The following AGBL1 variants were observed in gnomAD, a reference collection of about 807,000 sequenced individuals.
AGBL1 encodes the protein cytosolic carboxypeptidase 4.
Under a neutral mutation model 118.9 loss-of-function variants are expected in AGBL1, and 130 were observed. The observed-to-expected ratio is 1.09, with a 90% confidence interval of 0.95 to 1.26. AGBL1 has a LOEUF of 1.26. Among genes scored for constraint, AGBL1 ranks in the 50% most tolerant of loss-of-function variants. The pLI is 0.00. For synonymous variants in AGBL1, 555 were observed against 478.9 expected (o/e 1.16, Z -2.08); for missense variants, 1,584 against 1,298.1 (o/e 1.22, Z -3.38).
chr15:86,646,956 A>G (rs542489273), intron 21 of AGBL1, among the ~76,000 whole-genome samples: 95 of 152,296 alleles, frequency 6.2e-4, no homozygotes, highest in African/African-American at 2.3e-3. Context: ...TTAAAGTGTC[A>G]TGACATTTCC....
chr15:86,433,570 A>G (rs759400175), intron 18 of AGBL1, among the ~76,000 whole-genome samples: 4 of 152,094 alleles, frequency 2.6e-5, no homozygotes, highest in Admixed American at 1.3e-4. Flanking sequence ...CATTTCTTGG[A>G]GAGAGAAGTG....
At chr15:86,198,672 C>G (rs748962758) in intron 5 of AGBL1, among the ~76,000 whole-genome samples, 78 of 151,912 alleles carry the variant, frequency 5.1e-4, no homozygotes, top group Non-Finnish European at 1.0e-3. Context: ...TTCTCTCTCT[C>G]TCTCTCTCTT....
intron 17 of AGBL1, among the ~76,000 whole-genome samples, chr15:86,347,788 A>G (rs1267747469): frequency 6.6e-6 from 1 of 152,216 alleles, no homozygotes; most frequent in East Asian, 1.9e-4. Context: ...ATCCCCAAGA[A>G]GACATTTTCT....
chr15:86,708,874 C>G (rs2142677281), intron 22 of AGBL1, among the ~76,000 whole-genome samples: 1 of 152,244 alleles, frequency 6.6e-6, no homozygotes, highest in East Asian at 1.9e-4. Flanking sequence ...ATTTTGCACA[C>G]TTGCCAAGTC....
chr15:86,611,367 C>T (rs1352030016), intron 21 of AGBL1, among the ~76,000 whole-genome samples: 3 of 152,184 alleles, frequency 2.0e-5, no homozygotes, highest in Non-Finnish European at 4.4e-5. Flanking sequence ...CACTGGTGAT[C>T]CATAACACCA....
intron 23 of AGBL1, among the ~76,000 whole-genome samples, chr15:86,934,853 T>C (rs944866735): frequency 2.0e-5 from 3 of 152,170 alleles, no homozygotes; most frequent in African/African-American, 7.2e-5. Context: ...TCTACATATA[T>C]TGATAAATAT....
In AGBL1 at chr15:86,816,680, C is replaced by T. The variant is rs1184949839; in HGVS notation, c.3159-90407C>T. ...ATAGAAAGATGTAGTAAAAAAAACACAAAAACAAAAATCCCTCAGGAGGCA... is the reference window on the plus strand; with the variant it reads ...ATAGAAAGATGTAGTAAAAAAAACATAAAAACAAAAATCCCTCAGGAGGCA... On this transcript the variant is annotated intron_variant, in intron 22 of 22. Transcript: ENST00000614907. Among the ~76,000 whole-genome samples the T allele has an allele frequency of 2.0e-5, 3 of 151,922 alleles. 1 individual carries two copies. Among genetic ancestry groups the T allele is most frequent in the Non-Finnish European group, 2.9e-5 (2 of 67,976 alleles).
At chr15:86,533,422 A>C (rs1240245486) in intron 19 of AGBL1, among the ~76,000 whole-genome samples, 8 of 91,614 alleles carry the variant, frequency 8.7e-5, no homozygotes, top group South Asian at 4.1e-4. Context: ...ATACCATCTC[A>C]CACCAGTTAG....
chr15:86,692,291 C>T (rs2575869), intron 22 of AGBL1, among the ~76,000 whole-genome samples: 39 of 151,902 alleles, frequency 2.6e-4, no homozygotes, highest in African/African-American at 8.0e-4. Flanking sequence ...ATGGCAAAGG[C>T]GTAATTGAGG....
intron 6 of AGBL1, among the ~76,000 whole-genome samples, chr15:86,230,428 G>T (rs192880679): frequency 6.6e-6 from 1 of 152,340 alleles, no homozygotes; most frequent in Admixed American, 6.5e-5. Context: ...GGTTGGCATT[G>T]TTAATCCTTT....
chr15:86,672,058 C>G (rs879352200), intron 21 of AGBL1, among the ~76,000 whole-genome samples: 12 of 151,914 alleles, frequency 7.9e-5, no homozygotes, highest in Admixed American at 3.3e-4. Context: ...GGTGACAGAG[C>G]AAGACCCTTT....
chr15:86,244,157 G>C (rs1478154092), intron 6 of AGBL1, among the ~76,000 whole-genome samples: 1 of 151,840 alleles, frequency 6.6e-6, no homozygotes, highest in East Asian at 1.9e-4. Flanking sequence ...TAAAAATTTT[G>C]TTTCAAGGAA....
intron 24 of AGBL1, among the ~76,000 whole-genome samples, chr15:86,993,133 T>A (rs1438518775): frequency 6.6e-6 from 1 of 152,208 alleles, no homozygotes; most frequent in African/African-American, 2.4e-5. Flanking sequence ...AACATTGTGC[T>A]CTAACTGTAA....
At chr15:86,674,137 C>A (rs1172317243) in intron 21 of AGBL1, 136 bp from the exon 22 acceptor site, 23 of 858,760 alleles carry the variant, frequency 2.7e-5, no homozygotes, top group Middle Eastern at 2.8e-4. Flanking sequence ...ATGTAATGGA[C>A]AGTGACTGAC....
chr15:86,163,236 C>T (rs975391105), intron 5 of AGBL1, among the ~76,000 whole-genome samples: 1 of 152,082 alleles, frequency 6.6e-6, no homozygotes, highest in African/African-American at 2.4e-5. Flanking sequence ...CAGGAGTTTG[C>T]GACCAGCTTG....
At chr15:86,534,687 A>G (rs1415885501) in intron 19 of AGBL1, among the ~76,000 whole-genome samples, 2 of 152,208 alleles carry the variant, frequency 1.3e-5, no homozygotes, top group Non-Finnish European at 2.9e-5. Flanking sequence ...ATTATTCAGT[A>G]ACTAAAACCA....
chr15:86,950,851 G>A (rs2141670218), intron 23 of AGBL1, among the ~76,000 whole-genome samples: 1 of 152,078 alleles, frequency 6.6e-6, no homozygotes, highest in East Asian at 1.9e-4. Flanking sequence ...TCAGTGAAAT[G>A]TAAGTAAAAA....
intron 22 of AGBL1, among the ~76,000 whole-genome samples, chr15:86,859,852 TC>T (rs1247185168): frequency 6.6e-6 from 1 of 152,160 alleles, no homozygotes; most frequent in Non-Finnish European, 1.5e-5. Context: ...GCTTCCTAAT[TC>T]CATCTCTAGA....
chr15:86,849,789 C>T (rs1596549156), intron 22 of AGBL1, among the ~76,000 whole-genome samples: 1 of 152,156 alleles, frequency 6.6e-6, no homozygotes, highest in East Asian at 1.9e-4. Flanking sequence ...TCCTAGGCAG[C>T]GTGTGCTGGG....
Sources: gnomAD v4.1 joint callset for allele counts (sites outside exome capture counted in the v4.1 genomes callset) on GRCh38, gnomAD v4.1.1 for gene constraint, MANE v1.5 for transcripts, NCBI Gene and HGNC (gene_info 2026-07-23, HGNC 2026-07-21) for gene names.